Variants in LARGE1 observed in about 807,000 individuals in gnomAD.
The protein encoded by LARGE1 is LARGE xylosyl- and glucuronyltransferase 1.
Under a neutral mutation model 87.6 loss-of-function variants are expected in LARGE1, and 43 were observed. The ratio of observed to expected loss-of-function variants is 0.49; its 90% confidence interval spans 0.38 to 0.63. The LOEUF (loss-of-function observed/expected upper bound fraction) is 0.63. Among genes scored for constraint, LARGE1 ranks in the 30% least tolerant of loss-of-function variants. The pLI, the probability that LARGE1 is intolerant of heterozygous loss-of-function variation, is 0.00. For missense variants in LARGE1, 802 were observed against 1,000.2 expected (o/e 0.80, Z 2.67); for synonymous variants, 434 against 394.6 (o/e 1.10, Z -1.18).
At chr22:33,082,818 G>A in the LARGE1 span, among the ~76,000 whole-genome samples, 4 of 152,136 alleles carry the variant, frequency 2.6e-5, no homozygotes, top group South Asian at 4.1e-4. Flanking sequence ...GAGGTCAGGA[G>A]ATCGAGACCA....
intron 2 of LARGE1, among the ~76,000 whole-genome samples, chr22:33,727,081 C>T (rs2083293805): frequency 6.6e-6 from 1 of 152,120 alleles, no homozygotes; most frequent in Non-Finnish European, 1.5e-5. Context: ...AAACAAGGCT[C>T]CCTGAAGGTC....
chr22:33,260,705 C>T (rs893439182), intron 11 of LARGE1, among the ~76,000 whole-genome samples: 11 of 152,166 alleles, frequency 7.2e-5, no homozygotes, highest in Admixed American at 3.9e-4. Flanking sequence ...TGTTCAGTCA[C>T]GCAGGAATCT....
At chr22:33,498,901 G>A (rs1392826549) in intron 6 of LARGE1, among the ~76,000 whole-genome samples, 6 of 152,164 alleles carry the variant, frequency 3.9e-5, no homozygotes, top group Non-Finnish European at 8.8e-5. Context: ...GAATCCAGGA[G>A]GCGGAGGTTG....
At position 33,289,845 on chromosome 22, in the gene LARGE1, T is replaced by A. The variant is rs755933457; in HGVS notation, c.1731-6497A>T. Among the ~76,000 whole-genome samples, 3 of 152,086 alleles carry A rather than the reference T, an allele frequency of 2.0e-5. 1 individual carries two copies. Among genetic ancestry groups the A allele is most frequent in the Admixed American group, 1.3e-4 (2 of 15,266 alleles). On this transcript the variant is annotated intron_variant, in intron 12 of 14. Transcript: ENST00000397394. ...CCCACAGCCTCCTCTTCTGTATATC[T>A]TTTTTCCCCGAGCCCCTCCTCTCAG...
chr22:33,751,505 A>G (rs2084315473), intron 2 of LARGE1, among the ~76,000 whole-genome samples: 1 of 151,780 alleles, frequency 6.6e-6, no homozygotes, highest in South Asian at 2.1e-4. Flanking sequence ...AAACAAAAAC[A>G]AACAAACAAA....
chr22:33,439,897 C>T (rs1428791391), intron 6 of LARGE1, among the ~76,000 whole-genome samples: 1 of 152,190 alleles, frequency 6.6e-6, no homozygotes, highest in Non-Finnish European at 1.5e-5. Flanking sequence ...ATCTTGAACC[C>T]TCCTGCTCCT....
intron 2 of LARGE1, among the ~76,000 whole-genome samples, chr22:33,664,986 C>T (rs111694724): frequency 4.1e-3 from 628 of 152,340 alleles, no homozygotes; most frequent in Middle Eastern, 0.024. Context: ...CCTCAAAATG[C>T]TCCTCTGCTC....
At chr22:33,178,381 G>C (rs7290315) in intron 11 of LARGE1, among the ~76,000 whole-genome samples, 29,950 of 151,960 alleles carry the variant, frequency 0.2, 3,019 homozygotes, top group South Asian at 0.34. Context: ...CACCAGTTTT[G>C]TTTTGATGTT....
At chr22:33,441,483 T>A (rs2067475853) in intron 6 of LARGE1, among the ~76,000 whole-genome samples, 1 of 152,172 alleles carries the variant, frequency 6.6e-6, no homozygotes, top group African/African-American at 2.4e-5. Flanking sequence ...AGACAGGGTC[T>A]CACTATGTCA....
At chr22:33,253,968 C>T (rs775369224) in intron 11 of LARGE1, among the ~76,000 whole-genome samples, 10 of 150,120 alleles carry the variant, frequency 6.7e-5, no homozygotes, top group Non-Finnish European at 1.2e-4. Context: ...ATGTAAAAGA[C>T]TGCACTTCCC....
At chr22:33,432,460 C>A (rs1004639483) in intron 6 of LARGE1, among the ~76,000 whole-genome samples, 195 bp from the exon 7 acceptor site, 1 of 152,294 alleles carries the variant, frequency 6.6e-6, no homozygotes, top group South Asian at 2.1e-4. Flanking sequence ...ATTAGGCAGT[C>A]ATTTTTATTA....
intron 6 of LARGE1, among the ~76,000 whole-genome samples, chr22:33,458,653 C>T (rs1235374482): frequency 2.0e-5 from 3 of 151,786 alleles, no homozygotes; most frequent in Non-Finnish European, 4.4e-5. Context: ...GTCTCGAACT[C>T]CTGATCTCGG....
intron 4 of LARGE1, among the ~76,000 whole-genome samples, chr22:33,614,954 T>C (rs542005092): frequency 1.3e-5 from 2 of 152,332 alleles, no homozygotes; most frequent in Non-Finnish European, 2.9e-5. Context: ...GCTGTCGCCT[T>C]TTCCTGGACC....
At chr22:33,247,007 A>G (rs141019380) in intron 11 of LARGE1, among the ~76,000 whole-genome samples, 2 of 152,052 alleles carry the variant, frequency 1.3e-5, no homozygotes, top group African/African-American at 4.8e-5. Flanking sequence ...AGGTTGAAAG[A>G]CACTGTGAAA....
chr22:33,240,221 T>C (rs1926449108), intron 11 of LARGE1, among the ~76,000 whole-genome samples: 1 of 152,256 alleles, frequency 6.6e-6, no homozygotes, highest in African/African-American at 2.4e-5. Flanking sequence ...ATAGTATCCC[T>C]TGTGGTTTAA....
chr22:33,513,328 T>C (rs2071141453), intron 6 of LARGE1, among the ~76,000 whole-genome samples: 1 of 152,166 alleles, frequency 6.6e-6, no homozygotes, highest in Non-Finnish European at 1.5e-5. Flanking sequence ...TTCAAGGTAA[T>C]AAGAAAAGCT....
At chr22:33,626,067 G>A (rs557570773) in intron 4 of LARGE1, among the ~76,000 whole-genome samples, 177 bp downstream of exon 4, 3 of 152,272 alleles carry the variant, frequency 2.0e-5, no homozygotes, top group Admixed American at 6.5e-5. Flanking sequence ...GCACCTAATC[G>A]CTGTCATTAA....
chr22:33,782,031 C>A (rs1220808756), intron 1 of LARGE1, among the ~76,000 whole-genome samples: 1 of 152,034 alleles, frequency 6.6e-6, no homozygotes, highest in Admixed American at 6.6e-5. Flanking sequence ...TTCTCTAATA[C>A]AATGTAAATT....
chr22:33,914,776 C>A (rs1388413827), intron 1 of LARGE1, among the ~76,000 whole-genome samples: 1 of 152,086 alleles, frequency 6.6e-6, no homozygotes, highest in Non-Finnish European at 1.5e-5. Flanking sequence ...CTGACTGAAG[C>A]AAGCCCTTTC....
Sources: gnomAD v4.1 joint callset for allele counts (sites outside exome capture counted in the v4.1 genomes callset) on GRCh38, gnomAD v4.1.1 for gene constraint, MANE v1.5 for transcripts, NCBI Gene and HGNC (gene_info 2026-07-23, HGNC 2026-07-21) for gene names.